C12orf54: variants seen among roughly 807,000 people sequenced by gnomAD.
The protein encoded by C12orf54 is uncharacterized protein C12orf54.
In C12orf54, 24 loss-of-function variants were observed where a neutral mutation model predicts 26.4. That is an observed-to-expected ratio of 0.91 (90% CI 0.66 to 1.28). C12orf54 has a LOEUF of 1.28. Ranked by LOEUF, C12orf54 falls within the 50% of genes most tolerant of loss-of-function variation. C12orf54 has a pLI of 0.00. For synonymous variants in C12orf54, 54 were observed against 47.0 expected, an observed-to-expected ratio of 1.15 and a Z score of -0.61; for missense variants, 154 against 150.9, an observed-to-expected ratio of 1.02 and a Z score of -0.11.
At chr12:48,430,532 C>CA in the C12orf54 span, among the ~76,000 whole-genome samples, 2 of 151,788 alleles carry the variant, frequency 1.3e-5, no homozygotes, top group Non-Finnish European at 2.9e-5. Flanking sequence ...TACAAATGGC[C>CA]AAAAAACATA....
chr12:48,459,801 C>T, the C12orf54 span, among the ~76,000 whole-genome samples: 5 of 152,156 alleles, frequency 3.3e-5, no homozygotes, highest in African/African-American at 7.2e-5. Context: ...CCAGCAGAAT[C>T]GCACAGGAAT....
chr12:48,434,637 T>A, the C12orf54 span, among the ~76,000 whole-genome samples: 3 of 152,196 alleles, frequency 2.0e-5, no homozygotes, highest in East Asian at 3.9e-4. Flanking sequence ...CCGCTGCTGA[T>A]ACCCAGGCAA....
At chr12:48,450,640 G>A in the C12orf54 span, among the ~76,000 whole-genome samples, 6 of 152,044 alleles carry the variant, frequency 3.9e-5, no homozygotes, top group Non-Finnish European at 7.4e-5. Context: ...AAATGATAAG[G>A]GGATATTACC....
chr12:48,432,239 T>A, the C12orf54 span, among the ~76,000 whole-genome samples: 1 of 152,206 alleles, frequency 6.6e-6, no homozygotes, highest in South Asian at 2.1e-4. Flanking sequence ...TTTTCCAAAA[T>A]GTTTTTATTG....
intron 6 of C12orf54, 122 bp from the exon 7 acceptor site, chr12:48,492,825 G>A (rs575075376): frequency 2.5e-6 from 2 of 801,828 alleles, no homozygotes; most frequent in East Asian, 5.2e-5. Flanking sequence ...GGTGGTCAGT[G>A]TCCCTTCAAG....
At chr12:48,473,152 T>G in the C12orf54 span, 1 of 1,566,016 alleles carries the variant, frequency 6.4e-7, no homozygotes, top group Non-Finnish European at 8.8e-7. Flanking sequence ...GGTGAGGGCT[T>G]TGTGGAGTGC....
intron 3 of C12orf54, 48 bp downstream of exon 3, chr12:48,486,256 C>T (rs761909752): frequency 1.9e-5 from 29 of 1,565,860 alleles, no homozygotes; most frequent in Non-Finnish European, 2.4e-5. Context: ...CTTCTAATTC[C>T]TAGGGAGAGG....
chr12:48,469,900 C>A, the C12orf54 span, among the ~76,000 whole-genome samples: 3 of 152,090 alleles, frequency 2.0e-5, no homozygotes. Context: ...TGTTTATGTT[C>A]CTGAATGCCC....
the C12orf54 span, among the ~76,000 whole-genome samples, chr12:48,419,386 T>C: frequency 6.6e-6 from 1 of 152,192 alleles, no homozygotes; most frequent in African/African-American, 2.4e-5. Context: ...CTCTCTTGCG[T>C]GGTTTTAAGA....
At chr12:48,420,224 G>C in the C12orf54 span, among the ~76,000 whole-genome samples, 1 of 152,166 alleles carries the variant, frequency 6.6e-6, no homozygotes, top group Non-Finnish European at 1.5e-5. Flanking sequence ...TGCAAGCCCA[G>C]GAGGCAGCTG....
At chr12:48,473,624 A>T in the C12orf54 span, 1 of 259,760 alleles carries the variant, frequency 3.8e-6, no homozygotes, top group Non-Finnish European at 7.5e-6. Flanking sequence ...GCCACTCTTT[A>T]TTTTTTCCCC....
At chr12:48,454,888 A>G in the C12orf54 span, among the ~76,000 whole-genome samples, 2 of 152,328 alleles carry the variant, frequency 1.3e-5, no homozygotes, top group South Asian at 4.1e-4. Context: ...TTGTGGCTCA[A>G]CTTTAGAATG....
At chr12:48,462,251 C>A in the C12orf54 span, among the ~76,000 whole-genome samples, 2 of 151,524 alleles carry the variant, frequency 1.3e-5, no homozygotes, top group African/African-American at 4.8e-5. Context: ...GAAATAATTT[C>A]TAGTTAAAAC....
the C12orf54 span, among the ~76,000 whole-genome samples, chr12:48,417,891 G>A: frequency 7.2e-5 from 11 of 152,208 alleles, no homozygotes; most frequent in South Asian, 1.0e-3. Flanking sequence ...AGTTGCATCC[G>A]TGTTACTACA....
the C12orf54 span, among the ~76,000 whole-genome samples, chr12:48,475,785 G>C: frequency 6.6e-6 from 1 of 152,214 alleles, no homozygotes; most frequent in Non-Finnish European, 1.5e-5. Context: ...GTACCTGAAA[G>C]TGACAGGGAG....
At chr12:48,454,097 T>G in the C12orf54 span, among the ~76,000 whole-genome samples, 2 of 4,482 alleles carry the variant, frequency 4.5e-4, no homozygotes, top group Non-Finnish European at 8.8e-4. Flanking sequence ...TTTTTGTTTG[T>G]TTTTTTTTTT....
chr12:48,467,832 C>T, the C12orf54 span, among the ~76,000 whole-genome samples: 1 of 151,972 alleles, frequency 6.6e-6, no homozygotes, highest in Non-Finnish European at 1.5e-5. Flanking sequence ...AAAATATAGT[C>T]TAAATTTAGT....
chr12:48,419,422 G>T, the C12orf54 span, among the ~76,000 whole-genome samples: 1 of 152,154 alleles, frequency 6.6e-6, no homozygotes, highest in East Asian at 1.9e-4. Flanking sequence ...CTTATGTGCA[G>T]TGATCCGCAC....
chr12:48,463,833 G>A, the C12orf54 span, among the ~76,000 whole-genome samples: 5 of 151,936 alleles, frequency 3.3e-5, no homozygotes, highest in Admixed American at 6.6e-5. Flanking sequence ...CAAAAAGCAC[G>A]TGATTATCTC....
Sources: allele counts gnomAD v4.1 joint callset (sites outside exome capture counted in the v4.1 genomes callset), GRCh38; gene constraint gnomAD v4.1.1; transcripts MANE v1.5; gene names NCBI Gene and HGNC (gene_info 2026-07-23, HGNC 2026-07-21).